Variants in EBF1 observed in about 807,000 individuals in gnomAD.
EBF1 encodes transcription factor COE1.
A neutral mutation model predicts 68.4 loss-of-function variants in EBF1; 10 were observed. The ratio of observed to expected loss-of-function variants is 0.15; its 90% CI spans 0.09 to 0.25. The LOEUF (loss-of-function observed/expected upper bound fraction) is 0.25. Ranked by LOEUF, EBF1 falls within the 10% of genes least tolerant of loss-of-function variation. EBF1 has a pLI of 1.00. For synonymous variants in EBF1, 298 were observed against 299.8 expected, an observed-to-expected ratio of 0.99 and a Z score of 0.06; for missense variants, 509 against 794.4, an observed-to-expected ratio of 0.64 and a Z score of 4.32.
At position 158,831,703 on chromosome 5, in the gene EBF1, T is replaced by C. The variant is rs138417304; in HGVS notation, c.636+8326A>G. Among the ~76,000 whole-genome samples the C allele has an allele frequency of 5.8e-3, 887 of 152,306 alleles. 13 individuals are homozygous for C. The highest frequency in any genetic ancestry group is 0.02 in the African/African-American group (851 of 41,572). On this transcript the variant is annotated intron_variant, in intron 7 of 15. Transcript: ENST00000313708. ...TTTTAGAAGAAATGGGGTTTCGCCA[T>C]GTTGGCCAGGCTGGTCTCAAACTCC...
chr5:159,006,397 TC>T (rs1358936370), intron 6 of EBF1, among the ~76,000 whole-genome samples: 1 of 151,942 alleles, frequency 6.6e-6, no homozygotes, highest in Non-Finnish European at 1.5e-5. Context: ...ATTTTTACAA[TC>T]TAATTTTACA....
Position 158,823,059 on chromosome 5 carries a change from T to C in EBF1, c.778+117A>G, listed in dbSNP as rs553134297. ...AAAAAACCCTAGAGGACCAATCTTA[T>C]TCAAAAAGACTTTTGAAATTTGAAA... On this transcript the variant is annotated intron_variant, in intron 8 of 15. Coordinates refer to ENST00000313708, the MANE Select transcript of EBF1 (RefSeq NM_024007.5). 1.9e-5 allele frequency: 27 copies of C among 1,448,838 alleles called. 1 individual carries two copies. In the South Asian group the frequency reaches 3.0e-4, roughly 16 times the overall value. The allele number at this position is 1,448,838 out of a possible 1,614,324, so 89.7% of individuals were successfully genotyped here. A position where few individuals can be genotyped will look rare whatever the true frequency, so the allele number is the denominator to read the frequency against.
At chr5:158,973,601 G>A (rs1756108443) in intron 6 of EBF1, among the ~76,000 whole-genome samples, 1 of 152,094 alleles carries the variant, frequency 6.6e-6, no homozygotes, top group Non-Finnish European at 1.5e-5. Flanking sequence ...TAAATTTAAT[G>A]TCTGAGCTCC....
At chr5:159,056,534 T>G (rs187264170) in intron 6 of EBF1, among the ~76,000 whole-genome samples, 4 of 152,332 alleles carry the variant, frequency 2.6e-5, no homozygotes, top group Admixed American at 2.6e-4. Flanking sequence ...ACCATACCCA[T>G]GACTTCTGCC....
intron 10 of EBF1, among the ~76,000 whole-genome samples, chr5:158,760,747 C>A (rs1771246070): frequency 6.6e-6 from 1 of 152,036 alleles, no homozygotes; most frequent in South Asian, 2.1e-4. Flanking sequence ...CCGCTCGATA[C>A]CCCCTGAATT....
At chr5:158,821,557 C>T (rs952064712) in intron 8 of EBF1, among the ~76,000 whole-genome samples, 1 of 152,152 alleles carries the variant, frequency 6.6e-6, no homozygotes, top group African/African-American at 2.4e-5. Flanking sequence ...TGCAACTAAC[C>T]ACCCACAGTC....
At position 159,047,852 on chromosome 5, in the gene EBF1, C is replaced by T. The variant is rs553876425; in HGVS notation, c.554+25544G>A. 7.2e-5 allele frequency among the ~76,000 whole-genome samples: 11 copies of T among 152,276 alleles called. No homozygotes were observed. In the South Asian group the frequency reaches 1.9e-3, roughly 26 times the overall value. ...AAGCCTGTCTGAACTTTTTCTCTCACATCCCCCATCAAAGTCTGCTTTCTG... is the reference window on the plus strand; with the variant it reads ...AAGCCTGTCTGAACTTTTTCTCTCATATCCCCCATCAAAGTCTGCTTTCTG... On this transcript the variant is annotated intron_variant, in intron 6 of 15. Transcript: ENST00000313708.
chr5:158,809,839 T>C (rs1864939), intron 8 of EBF1, among the ~76,000 whole-genome samples: 4,261 of 152,310 alleles, frequency 0.028, 202 homozygotes, highest in African/African-American at 0.098. Context: ...ACTTTCATTT[T>C]TAATCTGGAC....
chr5:158,722,843 C>T (rs914417501), intron 11 of EBF1, among the ~76,000 whole-genome samples: 1 of 152,170 alleles, frequency 6.6e-6, no homozygotes, highest in African/African-American at 2.4e-5. Flanking sequence ...GACCTCCAAG[C>T]ATCTCCATTC....
chr5:158,777,945 G>A (rs544911371), intron 9 of EBF1, among the ~76,000 whole-genome samples: 1 of 152,300 alleles, frequency 6.6e-6, no homozygotes, highest in Admixed American at 6.5e-5. Context: ...CACAGAGGTA[G>A]GGAAACAGCA....
At chr5:158,765,387 A>G (rs1772430952) in intron 10 of EBF1, among the ~76,000 whole-genome samples, 1 of 152,174 alleles carries the variant, frequency 6.6e-6, no homozygotes, top group Non-Finnish European at 1.5e-5. Context: ...GGAAATGATG[A>G]ACGTGTGTAG....
chr5:158,887,951 T>C (rs1272864769), intron 6 of EBF1, among the ~76,000 whole-genome samples: 1 of 152,158 alleles, frequency 6.6e-6, no homozygotes, highest in Non-Finnish European at 1.5e-5. Context: ...TCAATATGAA[T>C]TGCAAAATTC....
chr5:158,806,710 C>A (rs1781655077), intron 8 of EBF1, among the ~76,000 whole-genome samples: 1 of 152,182 alleles, frequency 6.6e-6, no homozygotes, highest in African/African-American at 2.4e-5. Flanking sequence ...GTCTTAGGCT[C>A]CTGAAATTGA....
At chr5:158,792,212 G>A (rs929323649) in intron 9 of EBF1, among the ~76,000 whole-genome samples, 13 of 152,146 alleles carry the variant, frequency 8.5e-5, no homozygotes, top group African/African-American at 3.1e-4. Context: ...AAGAATAAGA[G>A]TAAAATAATT....
At chr5:159,089,096 C>T (rs187014847) in intron 4 of EBF1, among the ~76,000 whole-genome samples, 2 of 152,126 alleles carry the variant, frequency 1.3e-5, no homozygotes, top group East Asian at 3.9e-4. Context: ...ATATACTAGC[C>T]TACCTTTTCT....
At chr5:158,812,180 A>G (rs1284884635) in intron 8 of EBF1, among the ~76,000 whole-genome samples, 1 of 152,184 alleles carries the variant, frequency 6.6e-6, no homozygotes, top group Non-Finnish European at 1.5e-5. Flanking sequence ...GTCAATAAAC[A>G]TGTGTTAGTG....
At chr5:158,947,306 C>T (rs941494484) in intron 6 of EBF1, among the ~76,000 whole-genome samples, 1 of 152,112 alleles carries the variant, frequency 6.6e-6, no homozygotes. Flanking sequence ...GCTTGAAACC[C>T]AGGGCCATTG....
intron 11 of EBF1, among the ~76,000 whole-genome samples, chr5:158,728,879 C>A (rs1763516624): frequency 6.6e-6 from 1 of 152,186 alleles, no homozygotes; most frequent in Non-Finnish European, 1.5e-5. Flanking sequence ...TTTAAAGTGG[C>A]AACTATGGGC....
At chr5:158,780,236 TG>T (rs1283413541) in intron 9 of EBF1, among the ~76,000 whole-genome samples, 2 of 152,162 alleles carry the variant, frequency 1.3e-5, no homozygotes, top group Non-Finnish European at 2.9e-5. Context: ...AATCTAGAAA[TG>T]TCTGGTGGCT....
Sources: gnomAD v4.1 joint callset for allele counts (sites outside exome capture counted in the v4.1 genomes callset) on GRCh38, gnomAD v4.1.1 for gene constraint, MANE v1.5 for transcripts, NCBI Gene and HGNC (gene_info 2026-07-23, HGNC 2026-07-21) for gene names.